Variants in IDE observed in about 807,000 individuals in gnomAD.
IDE encodes insulin-degrading enzyme.
IDE carries 58 observed loss-of-function variants against 133.2 expected under a neutral mutation model. The observed-to-expected ratio is 0.44, with a 90% CI of 0.35 to 0.54. IDE has a LOEUF of 0.54. Among genes scored for constraint, IDE ranks in the 20% least tolerant of loss-of-function variants. IDE has a pLI of 0.00. For missense variants in IDE, 981 were observed against 1,234.0 expected (o/e 0.79, Z 3.07); for synonymous variants, 396 against 421.3 (o/e 0.94, Z 0.73).
Position 92,487,189 on chromosome 10 carries a change from A to ACATTACCTTAATAAGAGCAGGG in IDE, c.1641_1656+6dup. The stretch of plus-strand genomic sequence containing the variant: ...CAAATTTAAAATCACTGATTCAAAC[A>ACATTACCTTAATAAGAGCAGGG]CATTACCTTAATAAGAGCAGGGTAT... On this transcript the variant is annotated splice_region_variant and intron_variant, in intron 13 of 24. Coordinates refer to ENST00000265986, the MANE Select transcript of IDE (RefSeq NM_004969.4). The ACATTACCTTAATAAGAGCAGGG allele has an allele frequency of 2.5e-6, 4 of 1,607,194 alleles. No individual in the cohort carries two copies. The highest frequency in any genetic ancestry group is 3.4e-6 in the Non-Finnish European group (4 of 1,178,146).
rs141644275 is a variant in IDE at position 92,461,462 on chromosome 10, C to G, written c.2762-210G>C. Among the ~76,000 whole-genome samples the G allele has an allele frequency of 1.5e-3, 224 of 152,030 alleles. 1 individual carries two copies. The highest frequency in any genetic ancestry group is 5.3e-3 in the African/African-American group (218 of 41,448). ...CTCTGCCTCCTGGGTTCAAGTGATTCACCTGCCTTAAGCCTCCTGAGTAGT... is the reference window on the plus strand; with the variant it reads ...CTCTGCCTCCTGGGTTCAAGTGATTGACCTGCCTTAAGCCTCCTGAGTAGT... On this transcript the variant is annotated intron_variant, in intron 21 of 24. Transcript: ENST00000265986.
chr10:92,541,457 A>G, intron 1 of IDE: 1 of 255,536 alleles, frequency 3.9e-6, no homozygotes, highest in South Asian at 3.9e-5. Context: ...TTTATGGCAA[A>G]TGTTCTCCAA....
Position 92,559,688 on chromosome 10 carries a change from GGT to G in IDE, c.98+14232_98+14233del, listed in dbSNP as rs1223281085. Among the ~76,000 whole-genome samples, 4 of 151,852 alleles carry G rather than the reference GGT, an allele frequency of 2.6e-5. No homozygotes were observed. In the East Asian group the frequency reaches 7.7e-4, roughly 29 times the overall value. On this transcript the variant is annotated intron_variant, in intron 1 of 24. Transcript: ENST00000265986. ...GACGAAAATGTTTTAAAATGATTGT[GGT>G]GATGGTTGCACAACTCTGCAAATAC...
intron 1 of IDE, among the ~76,000 whole-genome samples, chr10:92,556,713 G>A (rs972456944): frequency 6.6e-5 from 10 of 151,366 alleles, no homozygotes; most frequent in Non-Finnish European, 8.8e-5. Context: ...AGCTGAGATC[G>A]CGCCACTGCA....
chr10:92,506,325 T>G (rs1848291853), intron 10 of IDE, 117 bp downstream of exon 10: 1 of 471,800 alleles, frequency 2.1e-6, no homozygotes. Context: ...TGCTACAAAG[T>G]TGAAAGCTTT....
intron 14 of IDE, among the ~76,000 whole-genome samples, chr10:92,482,689 A>G (rs1198905967): frequency 1.3e-5 from 2 of 152,200 alleles, no homozygotes; most frequent in Non-Finnish European, 2.9e-5. Flanking sequence ...TCCTAACAAT[A>G]GCTAACATAA....
rs760507488 is a variant in IDE, at chr10:92,463,758, T to C, written c.2734A>G (p.Ile912Val). The C allele has an allele frequency of 8.1e-6, 13 of 1,613,936 alleles. No individual in the cohort carries two copies. The highest frequency in any genetic ancestry group is 4.0e-5 in the African/African-American group (3 of 75,070). ...CTGTCAAAATTATATTGCTGGGAGA[T>C]GATTTCTCCCCAGTATTTAGCACAC... The part of the protein sequence containing the change: ...AECAKYWGEI[I>V]SQQYNFDRDN... The change falls in exon 21 of 25, where the codon ATC becomes GTC. Residue 912 changes from isoleucine (I) to valine (V), a missense_variant. Coordinates refer to ENST00000265986, the MANE Select transcript of IDE (RefSeq NM_004969.4).
At chr10:92,469,136 CA>C (rs1845836760) in intron 18 of IDE, 146 bp from the exon 19 acceptor site, 1 of 598,270 alleles carries the variant, frequency 1.7e-6, no homozygotes, top group African/African-American at 1.8e-5. Context: ...TTGAATTTGT[CA>C]GTATGGTCAT....
intron 11 of IDE, among the ~76,000 whole-genome samples, chr10:92,496,735 G>A (rs554273775): frequency 1.3e-5 from 2 of 152,292 alleles, no homozygotes; most frequent in East Asian, 1.9e-4. Context: ...GCAGTGAGCC[G>A]AGATTGTGCC....
chr10:92,537,476 G>A lies in IDE; in HGVS notation c.173C>T (p.Pro58Leu). ...CCCTCGATATTCTCGCTTGTCTTCAGGAGACTTGGTAATGTGATTTCCTAT... is the reference window on the plus strand; with the variant it reads ...CCCTCGATATTCTCGCTTGTCTTCAAGAGACTTGGTAATGTGATTTCCTAT... Reference protein sequence around the residue: ...KRIGNHITKSPEDKREYRGLE... With the variant: ...KRIGNHITKSLEDKREYRGLE... Residue 58 changes from proline to leucine, a missense_variant, in exon 2 of 25, where the codon CCT becomes CTT. Coordinates refer to ENST00000265986, the MANE Select transcript of IDE (RefSeq NM_004969.4). 1 of 1,613,814 alleles carries A rather than the reference G, an allele frequency of 6.2e-7. No homozygotes were observed. Among genetic ancestry groups the A allele is most frequent in the South Asian group, 1.1e-5 (1 of 91,058 alleles).
At chr10:92,495,882 GTTT>G (rs532013461) in intron 11 of IDE, among the ~76,000 whole-genome samples, 1 of 143,756 alleles carries the variant, frequency 7.0e-6, no homozygotes, top group African/African-American at 2.5e-5. Flanking sequence ...TTTTTTAAGT[GTTT>G]TTTTTTTTTG....
intron 10 of IDE, among the ~76,000 whole-genome samples, chr10:92,505,738 A>C (rs1438088982): frequency 2.6e-5 from 4 of 152,230 alleles, no homozygotes; most frequent in African/African-American, 9.6e-5. Flanking sequence ...CTAGCCAGGC[A>C]AAGATCAGAT....
intron 1 of IDE, among the ~76,000 whole-genome samples, chr10:92,543,891 T>A (rs1208651593): frequency 6.6e-6 from 1 of 152,188 alleles, no homozygotes; most frequent in East Asian, 1.9e-4. Context: ...ACCAAGGGTG[T>A]TTCACAAGTA....
intron 22 of IDE, 22 bp downstream of exon 22, chr10:92,461,169 T>G (rs1396702860): frequency 1.5e-5 from 17 of 1,168,676 alleles, no homozygotes; most frequent in Non-Finnish European, 2.2e-5. Context: ...AGTCAAAATC[T>G]AAATATATGA....
intron 11 of IDE, 42 bp from the exon 12 acceptor site, chr10:92,490,637 T>C (rs751070303): frequency 1.3e-5 from 15 of 1,139,506 alleles, no homozygotes; most frequent in Non-Finnish European, 2.0e-5. Context: ...TGTAAACTCA[T>C]ACTGTATATA....
intron 18 of IDE, among the ~76,000 whole-genome samples, chr10:92,469,525 C>G (rs1845857412): frequency 6.6e-6 from 1 of 151,960 alleles, no homozygotes; most frequent in Non-Finnish European, 1.5e-5. Context: ...ACCTCCTAGG[C>G]TCAAGAGATC....
intron 18 of IDE, 125 bp downstream of exon 18, chr10:92,470,129 G>C: frequency 1.7e-6 from 1 of 579,204 alleles, no homozygotes; most frequent in Non-Finnish European, 3.0e-6. Flanking sequence ...CACAGAGCAA[G>C]AGGGTTGAGT....
At chr10:92,470,142 A>G in intron 18 of IDE, 112 bp downstream of exon 18, 1 of 647,096 alleles carries the variant, frequency 1.5e-6, no homozygotes, top group South Asian at 2.6e-5. Flanking sequence ...GGTTGAGTAA[A>G]CTCTAATGTG....
At chr10:92,563,029 T>A (rs1398774831) in intron 1 of IDE, among the ~76,000 whole-genome samples, 1 of 152,112 alleles carries the variant, frequency 6.6e-6, no homozygotes, top group East Asian at 1.9e-4. Flanking sequence ...GGTGGACAGA[T>A]CAACTGAAGT....
Sources: gnomAD v4.1 joint callset for allele counts (sites outside exome capture counted in the v4.1 genomes callset) on GRCh38, gnomAD v4.1.1 for gene constraint, MANE v1.5 for transcripts, NCBI Gene and HGNC (gene_info 2026-07-23, HGNC 2026-07-21) for gene names.